FUZ: variants seen among roughly 807,000 people sequenced by gnomAD.
FUZ encodes protein fuzzy homolog.
In FUZ, 31 loss-of-function variants were observed where a neutral mutation model predicts 43.1. The ratio of observed to expected loss-of-function variants is 0.72; its 90% CI spans 0.54 to 0.97. The LOEUF is 0.97. FUZ is among the 50% of genes least tolerant of loss of function. FUZ has a pLI of 0.00. For missense variants in FUZ, 539 were observed against 543.8 expected (o/e 0.99, Z 0.09); for synonymous variants, 274 against 250.0 (o/e 1.10, Z -0.91).
intron 10 of FUZ, 167 bp downstream of exon 10, chr19:49,808,247 C>T (rs2073507085): frequency 2.7e-6 from 2 of 752,116 alleles, no homozygotes; most frequent in South Asian, 3.0e-5. Context: ...CTTCCCCTCC[C>T]TTCCCATCTG....
Position 49,807,024 on chromosome 19 carries a change from C to A in FUZ, c.*127G>T. The A allele has an allele frequency of 1.4e-6, 2 of 1,478,234 alleles. No homozygotes were observed. Among genetic ancestry groups the A allele is most frequent in the Non-Finnish European group, 1.8e-6 (2 of 1,099,812 alleles). The allele number at this position is 1,478,234 out of a possible 1,614,324, so 91.6% of individuals were successfully genotyped here. A position where few individuals can be genotyped will look rare whatever the true frequency, so the allele number is the denominator to read the frequency against. ...GCCAGGGAAGTGGATGTCTCCTCCC[C>A]TCCCACCCCACCCTGTTGTAGCCCC... On this transcript the variant is annotated 3_prime_UTR_variant, in exon 11 of 11. Transcript: ENST00000313777.
At chr19:49,807,828 G>C (rs540747627) in intron 10 of FUZ, among the ~76,000 whole-genome samples, 15 of 152,302 alleles carry the variant, frequency 9.8e-5, no homozygotes, top group Non-Finnish European at 2.2e-4. Context: ...ATTCATCCGG[G>C]CTTCACTGGG....
chr19:49,813,249 C>T lies in FUZ; in HGVS notation c.-143G>A, dbSNP rs1241083897. 6.5e-6 allele frequency: 5 copies of T among 771,136 alleles called. No homozygotes were observed. Among genetic ancestry groups the T allele is most frequent in the Non-Finnish European group, 1.1e-5 (5 of 443,624 alleles). 47.8% of individuals were successfully genotyped at this position (771,136 alleles called of 1,614,324 possible). A position where few individuals can be genotyped will look rare whatever the true frequency, so the allele number is the denominator to read the frequency against. On this transcript the variant is annotated 5_prime_UTR_variant, in exon 1 of 11. Transcript: ENST00000313777. ...TGATTGGAAGAGGATTAACTTCCCG[C>T]CTTCTTCACCCAACTCAAACAGACC...
rs778688003 is a variant in FUZ, at chr19:49,812,637, C to T, written c.211G>A (p.Val71Met). 32 of 1,614,176 alleles carry T rather than the reference C, an allele frequency of 2.0e-5. No individual in the cohort carries two copies. Among genetic ancestry groups the T allele is most frequent in the Non-Finnish European group, 2.7e-5 (32 of 1,180,040 alleles). ...SSARTENTTV[V>M]WKSFHDSITL... ...GACCTGTCATGGAAGCTTTTCCACA[C>T]CACAGTCGTGTTCTCGGTCCTCGCA... The change falls in exon 2 of 11, where the codon GTG (valine) becomes ATG (methionine). Residue 71 changes from valine to methionine, a missense_variant. Transcript: ENST00000313777.
At chr19:49,811,597 C>G (rs2073795501) in intron 4 of FUZ, 34 bp downstream of exon 4, 18 of 1,609,322 alleles carry the variant, frequency 1.1e-5, no homozygotes, top group Non-Finnish European at 1.5e-5. Flanking sequence ...GCCCAGGTAT[C>G]CTAACTTCCC....
intron 1 of FUZ, 37 bp from the exon 2 acceptor site, chr19:49,812,773 C>A (rs368184234): frequency 6.2e-6 from 10 of 1,610,008 alleles, no homozygotes; most frequent in Non-Finnish European, 8.5e-6. Context: ...AAGAGCACCC[C>A]CCCATCCCCT....
chr19:49,807,257 T>A lies in FUZ; in HGVS notation c.1151A>T (p.Gln384Leu). 1 of 1,613,276 alleles carries A rather than the reference T, an allele frequency of 6.2e-7. No individual in the cohort carries two copies. Among genetic ancestry groups the A allele is most frequent in the South Asian group, 1.1e-5 (1 of 91,050 alleles). Residue 384 changes from glutamine to leucine, a missense_variant, in exon 11 of 11, where the codon CAG becomes CTG. Coordinates refer to ENST00000313777, the MANE Select transcript of FUZ (RefSeq NM_025129.5). ...CAGCAGCAGCCGCCGAAGCCCCAGCTGCAAGGCCACCAGACGCACTCCTGT... is the reference window on the plus strand; with the variant it reads ...CAGCAGCAGCCGCCGAAGCCCCAGCAGCAAGGCCACCAGACGCACTCCTGT... ...PGTGVRLVALQLGLRRLLLLL... is the reference protein window; with the variant it reads ...PGTGVRLVALLLGLRRLLLLL...
rs769846061 is a variant in FUZ at position 49,807,033 on chromosome 19, C to T, written c.*118G>A. 4 of 1,519,850 alleles carry T rather than the reference C, an allele frequency of 2.6e-6. No individual in the cohort carries two copies. In the Admixed American group the frequency reaches 5.9e-5, roughly 22 times the overall value. 94.1% of individuals were successfully genotyped at this position (1,519,850 alleles called of 1,614,324 possible). A position where few individuals can be genotyped will look rare whatever the true frequency, so the allele number is the denominator to read the frequency against. On this transcript the variant is annotated 3_prime_UTR_variant, in exon 11 of 11. Coordinates refer to ENST00000313777, the MANE Select transcript of FUZ (RefSeq NM_025129.5). ...GTGGATGTCTCCTCCCCTCCCACCC[C>T]ACCCTGTTGTAGCCCCTCCTACCCC...
Position 49,808,413 on chromosome 19 carries a change from C to T in FUZ, c.1033+1G>A. 3 of 1,611,582 alleles carry T rather than the reference C, an allele frequency of 1.9e-6. No individual in the cohort carries two copies. The highest frequency in any genetic ancestry group is 2.5e-6 in the Non-Finnish European group (3 of 1,179,226). On this transcript the variant is annotated splice_donor_variant, in intron 10 of 10. Coordinates refer to ENST00000313777, the MANE Select transcript of FUZ (RefSeq NM_025129.5). LOFTEE classifies it high-confidence loss of function. ...GTGGGAGCACTGTGCCTTCCGCTGACCTGGTGGGAAGTGCGTGGAGGTGAC... is the reference window on the plus strand; with the variant it reads ...GTGGGAGCACTGTGCCTTCCGCTGATCTGGTGGGAAGTGCGTGGAGGTGAC...
Position 49,807,037 on chromosome 19 carries a change from C to CCGGG in FUZ, c.*113_*114insCCCG. The stretch of plus-strand genomic sequence containing the variant: ...ATGTCTCCTCCCCTCCCACCCCACC[C>CCGGG]TGTTGTAGCCCCTCCTACCCCCTCC... On this transcript the variant is annotated 3_prime_UTR_variant, in exon 11 of 11. Transcript: ENST00000313777. The CCGGG allele has an allele frequency of 6.5e-7, 1 of 1,529,616 alleles. No homozygotes were observed. Among genetic ancestry groups the CCGGG allele is most frequent in the Non-Finnish European group, 8.8e-7 (1 of 1,140,532 alleles). 94.8% of individuals were successfully genotyped at this position (1,529,616 alleles called of 1,614,324 possible).
chr19:49,808,644 G>A lies in FUZ; in HGVS notation c.894-6C>T. ...CCAGGTGGAGGAGCAGCAGCCTGTGGGAAAGGGAAGGGAATGTCATGGCTG... is the reference window on the plus strand; with the variant it reads ...CCAGGTGGAGGAGCAGCAGCCTGTGAGAAAGGGAAGGGAATGTCATGGCTG... On this transcript the variant is annotated splice_region_variant and splice_polypyrimidine_tract_variant and intron_variant, in intron 8 of 10. Coordinates refer to ENST00000313777, the MANE Select transcript of FUZ (RefSeq NM_025129.5). The A allele has an allele frequency of 1.2e-6, 2 of 1,613,140 alleles. No individual in the cohort carries two copies. The highest frequency in any genetic ancestry group is 8.5e-7 in the Non-Finnish European group (1 of 1,179,638).
Position 49,812,233 on chromosome 19 carries a change from A to G in FUZ, c.318+18T>C, listed in dbSNP as rs2073827797. ...CAGATTCCTGGTCTGGGGAGAAAAG[A>G]GGACTGGTGAGTCTCACCATGGCTC... On this transcript the variant is annotated intron_variant, in intron 3 of 10. Coordinates refer to ENST00000313777, the MANE Select transcript of FUZ (RefSeq NM_025129.5). 6.3e-7 allele frequency: 1 copy of G among 1,589,822 alleles called. No individual in the cohort carries two copies. The highest frequency in any genetic ancestry group is 1.7e-5 in the Admixed American group (1 of 59,628).
At position 49,808,791 on chromosome 19, in the gene FUZ, G is replaced by C. The variant is rs11557714; in HGVS notation, c.819C>G (p.Asp273Glu). Reference protein sequence around the residue: ...LLERWWQPLLDPLRACLPLGP... With the variant: ...LLERWWQPLLEPLRACLPLGP... ...CCAACGGCAGACAGGCCCGCAACGG[G>C]TCCAGCAGTGGCTGCCACCAGCGCT... is the stretch of plus-strand genomic sequence containing the variant. Residue 273 changes from aspartate (D) to glutamate (E), a missense_variant, in exon 8 of 11, where the codon GAC (aspartate) becomes GAG (glutamate). Asp to Glu is a conservative substitution (Grantham distance 45). Transcript: ENST00000313777. The C allele has an allele frequency of 1.3e-6, 2 of 1,556,842 alleles. No individual in the cohort carries two copies. The highest frequency in any genetic ancestry group is 1.7e-6 in the Non-Finnish European group (2 of 1,150,774).
chr19:49,807,336 G>A lies in FUZ; in HGVS notation c.1072C>T (p.Gln358Ter). The part of the protein sequence containing the change: ...PPEKTEDEVY[Q>*]AQLPRACYLV... ...TAGCAAGCTCTGGGCAGCTGGGCCT[G>A]GTAGACCTCATCTTCTGTCTTCTCT... is the stretch of plus-strand genomic sequence containing the variant. The change falls in exon 11 of 11, where the codon CAG becomes TAG. Residue 358 changes from glutamine (Q) to a stop codon, truncating the protein, a stop_gained. Coordinates refer to ENST00000313777, the MANE Select transcript of FUZ (RefSeq NM_025129.5). LOFTEE classifies it high-confidence loss of function. The A allele has an allele frequency of 6.2e-7, 1 of 1,613,522 alleles. No homozygotes were observed. Among genetic ancestry groups the A allele is most frequent in the Non-Finnish European group, 8.5e-7 (1 of 1,179,920 alleles).
chr19:49,811,098 C>T (rs1407930673), intron 5 of FUZ: 1 of 518,808 alleles, frequency 1.9e-6, no homozygotes, highest in Admixed American at 3.0e-5. Flanking sequence ...CTGCAGTGAG[C>T]CGAGATGGTG....
Position 49,809,818 on chromosome 19 carries a change from T to G in FUZ, c.493-243A>C. On this transcript the variant is annotated intron_variant, in intron 5 of 10. Coordinates refer to ENST00000313777, the MANE Select transcript of FUZ (RefSeq NM_025129.5). This position sits in a 1 kb window ranked among gnomAD's most constrained non-coding sequence, Gnocchi z 5.1. ...AAACATCTAGCCTGGGCGGGCAAACTGAAGCTAATAATGTAACCGCAGCAG... is the reference window on the plus strand; with the variant it reads ...AAACATCTAGCCTGGGCGGGCAAACGGAAGCTAATAATGTAACCGCAGCAG... 1.7e-6 allele frequency: 1 copy of G among 588,470 alleles called. No homozygotes were observed. The highest frequency in any genetic ancestry group is 2.0e-5 in the South Asian group (1 of 50,860). 36.5% of individuals were successfully genotyped at this position (588,470 alleles called of 1,614,324 possible). A position where few individuals can be genotyped will look rare whatever the true frequency, so the allele number is the denominator to read the frequency against.
Position 49,809,668 on chromosome 19 carries a change from A to C in FUZ, c.493-93T>G. 1 of 1,342,392 alleles carries C rather than the reference A, an allele frequency of 7.4e-7. No homozygotes were observed. Among genetic ancestry groups the C allele is most frequent in the Non-Finnish European group, 1.0e-6 (1 of 973,098 alleles). 83.2% of individuals were successfully genotyped at this position (1,342,392 alleles called of 1,614,324 possible). A position where few individuals can be genotyped will look rare whatever the true frequency, so the allele number is the denominator to read the frequency against. On this transcript the variant is annotated intron_variant, in intron 5 of 10. Transcript: ENST00000313777. This position sits in a 1 kb window ranked among gnomAD's most constrained non-coding sequence, Gnocchi z 5.1. ...ATGGGCAGGGAATGGGGAGAAACCC[A>C]CAGCCAGCCCCGAGCTCGCGCAGTG...
rs560327799 is a variant in FUZ, at chr19:49,809,882, C to A, written c.493-307G>T. On this transcript the variant is annotated intron_variant, in intron 5 of 10. Coordinates refer to ENST00000313777, the MANE Select transcript of FUZ (RefSeq NM_025129.5). This position sits in a 1 kb window ranked among gnomAD's most constrained non-coding sequence, Gnocchi z 5.1. ...AGGCCTGTTACATGCCGAGTAGGCACCATTAGCAACGTAGAGAAGCCAAGT... is the reference window on the plus strand; with the variant it reads ...AGGCCTGTTACATGCCGAGTAGGCAACATTAGCAACGTAGAGAAGCCAAGT... The A allele has an allele frequency of 5.2e-5, 25 of 485,064 alleles. No individual in the cohort carries two copies. The highest frequency in any genetic ancestry group is 4.7e-4 in the African/African-American group (24 of 51,322). 30.0% of individuals were successfully genotyped at this position (485,064 alleles called of 1,614,324 possible).
In FUZ at chr19:49,806,932, T is replaced by G; in HGVS notation, c.*219A>C. ...TTATTTTTGTTCATCTGCTGCTGTTTACATTCTGGGGGGTTAGGGGGAGTC... is the reference window on the plus strand; with the variant it reads ...TTATTTTTGTTCATCTGCTGCTGTTGACATTCTGGGGGGTTAGGGGGAGTC... On this transcript the variant is annotated 3_prime_UTR_variant, in exon 11 of 11. Transcript: ENST00000313777. 6.5e-7 allele frequency: 1 copy of G among 1,534,886 alleles called. No homozygotes were observed. The highest frequency in any genetic ancestry group is 8.7e-7 in the Non-Finnish European group (1 of 1,146,860).
Sources: allele counts gnomAD v4.1 joint callset (sites outside exome capture counted in the v4.1 genomes callset), GRCh38; gene constraint gnomAD v4.1.1; non-coding constraint Gnocchi (gnomAD v3.1); transcripts MANE v1.5; gene names NCBI Gene and HGNC (gene_info 2026-07-23, HGNC 2026-07-21).